The following ADNP2 variants were observed in gnomAD, a reference collection of about 807,000 sequenced individuals.
ADNP2 encodes ADNP homeobox 2.
In ADNP2, 8 loss-of-function variants were observed where a neutral mutation model predicts 16.4. The observed-to-expected ratio is 0.49, with a 90% CI of 0.29 to 0.88. The LOEUF is 0.88. ADNP2 is among the 40% of genes least tolerant of loss of function. The pLI is 0.09. For synonymous variants in ADNP2, 637 were observed against 545.8 expected, an observed-to-expected ratio of 1.17 and a Z score of -2.33; for missense variants, 1,397 against 1,395.1, an observed-to-expected ratio of 1.00 and a Z score of -0.02.
intron 1 of ADNP2, among the ~76,000 whole-genome samples, chr18:80,116,130 G>A (rs1051352618): frequency 2.6e-5 from 4 of 152,212 alleles, no homozygotes; most frequent in Non-Finnish European, 5.9e-5. Context: ...CATACAATAT[G>A]TGGTCCTTGT....
At chr18:80,116,791 A>T (rs950982071) in intron 1 of ADNP2, among the ~76,000 whole-genome samples, 2 of 152,136 alleles carry the variant, frequency 1.3e-5, no homozygotes, top group African/African-American at 4.8e-5. Context: ...GCGCACCAGG[A>T]TGCCTGGCTA....
In ADNP2 at chr18:80,138,932, A is replaced by G; in HGVS notation, c.*123A>G. On this transcript the variant is annotated 3_prime_UTR_variant, in exon 4 of 4. Coordinates refer to ENST00000262198, the MANE Select transcript of ADNP2 (RefSeq NM_014913.4). ...CTCAGTGGTCACTGTGCTGCTCTGCAGAGTTACTTCAGGTGCTGGAGAGAC... is the reference window on the plus strand; with the variant it reads ...CTCAGTGGTCACTGTGCTGCTCTGCGGAGTTACTTCAGGTGCTGGAGAGAC... The G allele has an allele frequency of 2.1e-6, 2 of 932,234 alleles. No homozygotes were observed. Among genetic ancestry groups the G allele is most frequent in the East Asian group, 2.8e-5 (1 of 35,274 alleles). 57.7% of individuals were successfully genotyped at this position (932,234 alleles called of 1,614,324 possible).
chr18:80,130,207 C>A (rs560520851), intron 2 of ADNP2, among the ~76,000 whole-genome samples: 1 of 152,276 alleles, frequency 6.6e-6, no homozygotes, highest in Admixed American at 6.5e-5. Flanking sequence ...CCCTAAAGGG[C>A]CTGTGAGGAT....
intron 2 of ADNP2, 152 bp downstream of exon 2, chr18:80,117,802 C>T: frequency 1.8e-6 from 1 of 567,806 alleles, no homozygotes; most frequent in East Asian, 3.4e-5. Context: ...GTCTTTATGA[C>T]ATAAAGTGAG....
intron 2 of ADNP2, among the ~76,000 whole-genome samples, chr18:80,126,667 C>T (rs1044889955): frequency 4.0e-5 from 6 of 151,852 alleles, no homozygotes; most frequent in African/African-American, 9.7e-5. Flanking sequence ...TATAATGTGC[C>T]TTGGTTTGGT....
At chr18:80,111,659 C>G (rs1005233066) in intron 1 of ADNP2, among the ~76,000 whole-genome samples, 3 of 149,290 alleles carry the variant, frequency 2.0e-5, no homozygotes, top group African/African-American at 7.4e-5. Flanking sequence ...CTCTGTCTCC[C>G]GGGTTCAAGC....
chr18:80,110,617 A>G (rs2052351492), intron 1 of ADNP2, among the ~76,000 whole-genome samples: 1 of 152,188 alleles, frequency 6.6e-6, no homozygotes, highest in Non-Finnish European at 1.5e-5. Flanking sequence ...AGTTGTGTAA[A>G]GTACATGTTC....
At chr18:80,124,203 C>T (rs953718811) in intron 2 of ADNP2, among the ~76,000 whole-genome samples, 2 of 152,164 alleles carry the variant, frequency 1.3e-5, no homozygotes, top group Non-Finnish European at 2.9e-5. Context: ...TTGTCCATTA[C>T]ATCAAGTTAA....
At position 80,134,418 on chromosome 18, in the gene ADNP2, T is replaced by TGTGAGA. The variant is rs143942110; in HGVS notation, c.199-1193_199-1192insTGAGAG. On this transcript the variant is annotated intron_variant, in intron 3 of 3. Transcript: ENST00000262198. ...GTGTGTGTGTGTGTGTGTGTGTGTG[T>TGTGAGA]GAGAGAGAGTGATAATGAGCACACA... is the stretch of plus-strand genomic sequence containing the variant. Among the ~76,000 whole-genome samples the TGTGAGA allele has an allele frequency of 1.9e-3, 257 of 136,554 alleles. 1 individual carries two copies. The highest frequency in any genetic ancestry group is 3.8e-3 in the East Asian group (19 of 4,984). The allele number at this position is 136,554 out of a possible 152,430, so 89.6% of individuals were successfully genotyped here.
intron 2 of ADNP2, among the ~76,000 whole-genome samples, chr18:80,124,741 A>G (rs1011844576): frequency 6.6e-6 from 1 of 152,182 alleles, no homozygotes; most frequent in Non-Finnish European, 1.5e-5. Flanking sequence ...CCCCATCCTG[A>G]AGCTACCTAG....
At chr18:80,109,521 C>G (rs920690324) in intron 1 of ADNP2, 49 bp downstream of exon 1, 40 of 147,996 alleles carry the variant, frequency 2.7e-4, no homozygotes, top group Admixed American at 1.9e-3. Flanking sequence ...CGCCCCCTGC[C>G]CCGGTCCTGG....
At chr18:80,121,654 T>C (rs1007930345) in intron 2 of ADNP2, among the ~76,000 whole-genome samples, 3 of 152,212 alleles carry the variant, frequency 2.0e-5, no homozygotes, top group African/African-American at 7.2e-5. Context: ...CCTAAGAGTT[T>C]TATGGTTGTA....
intron 2 of ADNP2, among the ~76,000 whole-genome samples, chr18:80,130,993 G>GA (rs1204110036): frequency 6.6e-6 from 1 of 152,208 alleles, no homozygotes; most frequent in African/African-American, 2.4e-5. Context: ...TGATGACTGC[G>GA]AAAGGATGAG....
chr18:80,127,348 T>TG (rs1436395708), intron 2 of ADNP2, among the ~76,000 whole-genome samples: 3 of 150,130 alleles, frequency 2.0e-5, no homozygotes, highest in Non-Finnish European at 3.0e-5. Flanking sequence ...AGTTTTTTTT[T>TG]TTTTTTTTTT....
intron 3 of ADNP2, among the ~76,000 whole-genome samples, chr18:80,134,797 C>G (rs563111651): frequency 6.6e-6 from 1 of 152,204 alleles, no homozygotes; most frequent in East Asian, 1.9e-4. Context: ...TTAGGGTCAT[C>G]CATAGTGTGA....
chr18:80,116,417 T>C (rs1039171507), intron 1 of ADNP2, among the ~76,000 whole-genome samples: 1 of 152,224 alleles, frequency 6.6e-6, no homozygotes, highest in Non-Finnish European at 1.5e-5. Flanking sequence ...ATGTTACCTA[T>C]ATTTTTAATC....
intron 2 of ADNP2, among the ~76,000 whole-genome samples, chr18:80,125,460 G>A (rs1210331969): frequency 6.6e-6 from 1 of 152,150 alleles, no homozygotes; most frequent in African/African-American, 2.4e-5. Context: ...TGGCTAACAT[G>A]GTGCAACCCC....
At chr18:80,112,765 A>G (rs1167864652) in intron 1 of ADNP2, among the ~76,000 whole-genome samples, 1 of 152,164 alleles carries the variant, frequency 6.6e-6, no homozygotes, top group East Asian at 1.9e-4. Flanking sequence ...TCTGCTTTTA[A>G]AAGTCCACCA....
At chr18:80,125,573 G>A (rs1006889329) in intron 2 of ADNP2, among the ~76,000 whole-genome samples, 3 of 152,124 alleles carry the variant, frequency 2.0e-5, no homozygotes, top group African/African-American at 7.2e-5. Context: ...AACCTGGGAG[G>A]TGGAGCTTGC....
Sources: allele counts gnomAD v4.1 joint callset (sites outside exome capture counted in the v4.1 genomes callset), GRCh38; gene constraint gnomAD v4.1.1; transcripts MANE v1.5; gene names NCBI Gene and HGNC (gene_info 2026-07-23, HGNC 2026-07-21).